Variants in CCDC39 observed in about 807,000 individuals in gnomAD.
The protein encoded by CCDC39 is coiled-coil domain 39 molecular ruler complex subunit, also known as coiled-coil domain-containing protein 39.
A neutral mutation model predicts 121.0 loss-of-function variants in CCDC39; 113 were observed. The observed-to-expected ratio is 0.93, with a 90% CI of 0.80 to 1.09. The LOEUF is 1.09. CCDC39 is among the 50% of genes least tolerant of loss of function. The pLI, the probability that CCDC39 is intolerant of heterozygous loss-of-function variation, is 0.00. For synonymous variants in CCDC39, 349 were observed against 352.2 expected, an observed-to-expected ratio of 0.99 and a Z score of 0.10; for missense variants, 1,063 against 1,074.7, an observed-to-expected ratio of 0.99 and a Z score of 0.15.
chr3:180,630,835 G>A (rs1320762515), intron 14 of CCDC39, among the ~76,000 whole-genome samples: 2 of 152,034 alleles, frequency 1.3e-5, no homozygotes, highest in Non-Finnish European at 2.9e-5. Context: ...CATATTATAG[G>A]GATATATGGG....
Position 180,647,070 on chromosome 3 carries a change from C to G in CCDC39, c.1527+9G>C. ...ATTTGAAATATAAAATGTATTTTGG[C>G]TAAGTTACATGAAGCTTCTTGATCT... is the stretch of plus-strand genomic sequence containing the variant. On this transcript the variant is annotated intron_variant, in intron 11 of 19. Coordinates refer to ENST00000476379, the MANE Select transcript of CCDC39 (RefSeq NM_181426.2). 6.2e-7 allele frequency: 1 copy of G among 1,600,140 alleles called. No homozygotes were observed. The highest frequency in any genetic ancestry group is 8.5e-7 in the Non-Finnish European group (1 of 1,175,996).
intron 9 of CCDC39, among the ~76,000 whole-genome samples, chr3:180,649,441 C>T (rs1486357512): frequency 6.6e-6 from 1 of 152,150 alleles, no homozygotes; most frequent in African/African-American, 2.4e-5. Context: ...AACCAACAAA[C>T]CTGAATATGA....
chr3:180,661,550 T>A (rs916027902), intron 3 of CCDC39, among the ~76,000 whole-genome samples: 2 of 152,114 alleles, frequency 1.3e-5, no homozygotes, highest in African/African-American at 4.8e-5. Flanking sequence ...TTTTAAAATG[T>A]GGCTGTTAAA....
chr3:180,650,563 T>G (rs1223037432), intron 9 of CCDC39, among the ~76,000 whole-genome samples: 1 of 152,074 alleles, frequency 6.6e-6, no homozygotes, highest in Non-Finnish European at 1.5e-5. Flanking sequence ...GGGAGCTACT[T>G]TTTTAAAAAG....
chr3:180,659,564 G>A lies in CCDC39; in HGVS notation c.626C>T (p.Ala209Val). Residue 209 changes from alanine (A) to valine (V), a missense_variant, in exon 6 of 20, where the codon GCA becomes GTA. Ala to Val is a moderately conservative substitution (Grantham distance 64). Coordinates refer to ENST00000476379, the MANE Select transcript of CCDC39 (RefSeq NM_181426.2). Reference sequence around the variant, plus strand: ...ATGAATCTTACGAAAATCTTGTGCTGCTTTATCCAATTCTAACTGTCAAAC... The same window carrying A: ...ATGAATCTTACGAAAATCTTGTGCTACTTTATCCAATTCTAACTGTCAAAC... ...TISAQLELDK[A>V]AQDFRKIHNE... The A allele has an allele frequency of 3.1e-6, 5 of 1,612,652 alleles. No homozygotes were observed. Among genetic ancestry groups the A allele is most frequent in the Non-Finnish European group, 4.2e-6 (5 of 1,179,400 alleles).
rs114342703 is a variant in CCDC39, at chr3:180,618,997, G to C, written c.2265+262C>G. ...ATTAAAGTTCATTAAAGGATTAATG[G>C]GTAGATCATAATAACTATGACCTAC... On this transcript the variant is annotated intron_variant, in intron 16 of 19. Transcript: ENST00000476379. Among the ~76,000 whole-genome samples the C allele has an allele frequency of 0.028, 4,306 of 151,826 alleles. 80 individuals are homozygous for C. The highest frequency in any genetic ancestry group is 0.051 in the Middle Eastern group (15 of 292).
chr3:180,658,069 A>C (rs1334969545), intron 6 of CCDC39, among the ~76,000 whole-genome samples: 1 of 150,114 alleles, frequency 6.7e-6, no homozygotes, highest in Non-Finnish European at 1.5e-5. Context: ...CCCTGTCTCT[A>C]CTAAAAAAAA....
intron 14 of CCDC39, among the ~76,000 whole-genome samples, chr3:180,620,744 C>A (rs1717411903): frequency 6.6e-6 from 1 of 151,808 alleles, no homozygotes; most frequent in Non-Finnish European, 1.5e-5. Flanking sequence ...TGAATGTAGT[C>A]AATTAGAAAT....
intron 15 of CCDC39, 49 bp downstream of exon 15, chr3:180,619,762 T>C (rs779059515): frequency 3.7e-5 from 41 of 1,120,274 alleles, no homozygotes; most frequent in Non-Finnish European, 4.7e-5. Context: ...CTTTTAACTA[T>C]ACACTCGTCA....
chr3:180,644,969 G>T (rs1245221030), intron 11 of CCDC39, among the ~76,000 whole-genome samples: 1 of 152,048 alleles, frequency 6.6e-6, no homozygotes, highest in Non-Finnish European at 1.5e-5. Flanking sequence ...TTGATTCTAC[G>T]CAAGTCCCAG....
chr3:180,639,447 C>T (rs1429319322), intron 13 of CCDC39, among the ~76,000 whole-genome samples: 1 of 152,002 alleles, frequency 6.6e-6, no homozygotes, highest in African/African-American at 2.4e-5. Flanking sequence ...TACTCAGCCA[C>T]AAAAAGGAAC....
chr3:180,659,103 G>A (rs1052816589), intron 6 of CCDC39, among the ~76,000 whole-genome samples: 1 of 152,054 alleles, frequency 6.6e-6, no homozygotes, highest in Non-Finnish European at 1.5e-5. Flanking sequence ...TTTCCCTACT[G>A]TAACTTATTG....
In CCDC39 at chr3:180,652,187, T is replaced by C. The variant is rs1451580836; in HGVS notation, c.1010A>G (p.Lys337Arg). 2.0e-6 allele frequency: 3 copies of C among 1,528,894 alleles called. No homozygotes were observed. Among genetic ancestry groups the C allele is most frequent in the Non-Finnish European group, 2.6e-6 (3 of 1,136,666 alleles). 94.7% of individuals were successfully genotyped at this position (1,528,894 alleles called of 1,614,324 possible). The change falls in exon 8 of 20, where the codon AAG becomes AGG. Residue 337 changes from lysine to arginine, a missense_variant. Transcript: ENST00000476379. Reference sequence around the variant, plus strand: ...CCTTGCTGTTTCTTCATGAATGTCCTTCTTTATCTTGGAAATATTTTTCCT... The same window carrying C: ...CCTTGCTGTTTCTTCATGAATGTCCCTCTTTATCTTGGAAATATTTTTCCT... ...ALRKNISKIK[K>R]DIHEETARLQ...
At chr3:180,676,776 T>C (rs1198783986) in intron 1 of CCDC39, among the ~76,000 whole-genome samples, 44 of 151,990 alleles carry the variant, frequency 2.9e-4, no homozygotes, top group Non-Finnish European at 3.1e-4. Flanking sequence ...ATTAAGAAAA[T>C]GTGGCACATA....
chr3:180,615,520 C>G (rs940469870), intron 19 of CCDC39, among the ~76,000 whole-genome samples: 19 of 151,938 alleles, frequency 1.3e-4, no homozygotes, highest in African/African-American at 4.4e-4. Flanking sequence ...AAACAGCTAG[C>G]TATATAATTC....
chr3:180,661,398 T>C (rs906901098), intron 3 of CCDC39, among the ~76,000 whole-genome samples: 4 of 152,002 alleles, frequency 2.6e-5, no homozygotes, highest in Admixed American at 1.3e-4. Context: ...GAATCAGAAT[T>C]TGGAAAGAGC....
chr3:180,631,496 C>A lies in CCDC39; in HGVS notation c.1971G>T (p.Glu657Asp), dbSNP rs111451119. ...VVMLPPEGEE[E>D]KTQAYYVIKA... ...TTATTACATAATAGGCCTGTGTTTT[C>A]TCCTCTTCTCCTTCAGGAGGCAGCA... Residue 657 changes from glutamate (E) to aspartate (D), a missense_variant, in exon 14 of 20, where the codon GAG (glutamate) becomes GAT (aspartate). Coordinates refer to ENST00000476379, the MANE Select transcript of CCDC39 (RefSeq NM_181426.2). The A allele has an allele frequency of 8.5e-5, 137 of 1,606,806 alleles. 3 individuals carry two copies. In the African/African-American group the frequency reaches 1.4e-3, roughly 16 times the overall value.
rs1212384861 is a variant in CCDC39 at position 180,659,706 on chromosome 3, T to C, written c.580A>G (p.Asn194Asp). Reference sequence around the variant, plus strand: ...GCGCTTATAGTCTCTGTAAGTTCGTTGTCAAGTATCTTTCTTTTCTGATTA... The same window carrying C: ...GCGCTTATAGTCTCTGTAAGTTCGTCGTCAAGTATCTTTCTTTTCTGATTA... ...ECNQKRKILD[N>D]ELTETISAQL... is the part of the protein sequence containing the mutation. The change falls in exon 5 of 20, where the codon AAC becomes GAC. Residue 194 changes from asparagine to aspartate, a missense_variant. Physicochemically the swap from Asn to Asp is conservative, Grantham distance 23. Coordinates refer to ENST00000476379, the MANE Select transcript of CCDC39 (RefSeq NM_181426.2). 1.9e-6 allele frequency: 3 copies of C among 1,612,278 alleles called. No individual in the cohort carries two copies. Among genetic ancestry groups the C allele is most frequent in the Admixed American group, 3.3e-5 (2 of 59,874 alleles).
At chr3:180,670,227 A>T (rs970093193) in intron 1 of CCDC39, among the ~76,000 whole-genome samples, 29 of 152,248 alleles carry the variant, frequency 1.9e-4, no homozygotes, top group African/African-American at 7.0e-4. Context: ...GTAAAAAAAA[A>T]ATTATGTAAT....
Sources: allele counts gnomAD v4.1 joint callset (sites outside exome capture counted in the v4.1 genomes callset), GRCh38; gene constraint gnomAD v4.1.1; transcripts MANE v1.5; gene names NCBI Gene and HGNC (gene_info 2026-07-23, HGNC 2026-07-21).